PTPRD: variants seen among roughly 807,000 people sequenced by gnomAD.
PTPRD encodes protein tyrosine phosphatase receptor type D.
A neutral mutation model predicts 214.5 loss-of-function variants in PTPRD; 34 were observed. That is an observed-to-expected ratio of 0.16 (90% confidence interval 0.12 to 0.21). The LOEUF (loss-of-function observed/expected upper bound fraction) is 0.21. Among genes scored for constraint, PTPRD ranks in the 10% least tolerant of loss-of-function variants. The pLI is 1.00. For synonymous variants in PTPRD, 1,128 were observed against 845.7 expected, an observed-to-expected ratio of 1.33 and a Z score of -5.79; for missense variants, 2,545 against 2,398.7, an observed-to-expected ratio of 1.06 and a Z score of -1.27.
At chr9:9,048,027 T>C (rs1002109639) in intron 10 of PTPRD, among the ~76,000 whole-genome samples, 2 of 152,136 alleles carry the variant, frequency 1.3e-5, no homozygotes, top group Admixed American at 6.6e-5. Flanking sequence ...TGCATACACA[T>C]GGCAAACAGG....
chr9:9,924,664 T>C (rs534663429), intron 5 of PTPRD, among the ~76,000 whole-genome samples: 1 of 152,218 alleles, frequency 6.6e-6, no homozygotes, highest in South Asian at 2.1e-4. Flanking sequence ...GCTTTTGAAA[T>C]AAAAACCATC....
At chr9:8,523,075 A>G (rs2097922041) in intron 19 of PTPRD, among the ~76,000 whole-genome samples, 1 of 152,194 alleles carries the variant, frequency 6.6e-6, no homozygotes, top group African/African-American at 2.4e-5. Context: ...AGCAGGAGCC[A>G]GTGTAGACTC....
Position 10,597,857 on chromosome 9 carries a change from G to C in PTPRD, c.-600+14541C>G, listed in dbSNP as rs575621702. Among the ~76,000 whole-genome samples, 6 of 151,886 alleles carry C rather than the reference G, an allele frequency of 4.0e-5. No individual in the cohort carries two copies. In the South Asian group the frequency reaches 8.3e-4, roughly 21 times the overall value. Reference sequence around the variant, plus strand: ...TATAGTTTATATTAAGAACATAACAGGACTTCCATTGAACATTGAGTCTTT... The same window carrying C: ...TATAGTTTATATTAAGAACATAACACGACTTCCATTGAACATTGAGTCTTT... On this transcript the variant is annotated intron_variant, in intron 2 of 45. Coordinates refer to ENST00000381196, the MANE Select transcript of PTPRD (RefSeq NM_002839.4).
chr9:9,854,831 G>C (rs771356539), intron 5 of PTPRD, among the ~76,000 whole-genome samples: 5 of 152,002 alleles, frequency 3.3e-5, no homozygotes, highest in African/African-American at 9.7e-5. Context: ...TGTACCTTTT[G>C]CTATAACTAT....
chr9:9,366,746 C>T (rs536371698), intron 9 of PTPRD, among the ~76,000 whole-genome samples: 12 of 150,790 alleles, frequency 8.0e-5, no homozygotes, highest in African/African-American at 1.7e-4. Flanking sequence ...AAAATTCTTC[C>T]GAGTAAAAAA....
chr9:9,757,456 G>A (rs1257021062), intron 6 of PTPRD, among the ~76,000 whole-genome samples: 2 of 152,126 alleles, frequency 1.3e-5, no homozygotes, highest in Non-Finnish European at 2.9e-5. Context: ...GATGTTTAAT[G>A]TAAATTTTCA....
intron 14 of PTPRD, among the ~76,000 whole-genome samples, chr9:8,599,077 C>G (rs866164853): frequency 5.3e-5 from 8 of 152,092 alleles, no homozygotes; most frequent in Non-Finnish European, 1.2e-4. Flanking sequence ...AGGTCTTTCC[C>G]AAGCTGTTCT....
chr9:10,217,394 A>C (rs1365587799), intron 3 of PTPRD, among the ~76,000 whole-genome samples: 1 of 151,794 alleles, frequency 6.6e-6, no homozygotes, highest in African/African-American at 2.4e-5. Flanking sequence ...CCATATCTCA[A>C]AGCAAGTTAA....
chr9:10,111,106 G>A (rs2098687498), intron 3 of PTPRD, among the ~76,000 whole-genome samples: 1 of 151,906 alleles, frequency 6.6e-6, no homozygotes, highest in African/African-American at 2.4e-5. Flanking sequence ...TGTAAAAAGG[G>A]GAGAATACAA....
At chr9:8,840,892 A>T (rs1326438449) in intron 11 of PTPRD, among the ~76,000 whole-genome samples, 1 of 152,190 alleles carries the variant, frequency 6.6e-6, no homozygotes. Context: ...TCTACAGTGC[A>T]TGTAACGATA....
At chr9:9,413,112 T>C (rs2142008782) in intron 8 of PTPRD, among the ~76,000 whole-genome samples, 1 of 114,046 alleles carries the variant, frequency 8.8e-6, no homozygotes, top group East Asian at 3.1e-4. Flanking sequence ...TTTTTTTTTT[T>C]TTTTTTTTTT....
intron 5 of PTPRD, among the ~76,000 whole-genome samples, chr9:9,817,877 T>C (rs1301227755): frequency 3.3e-5 from 5 of 152,142 alleles, no homozygotes; most frequent in African/African-American, 9.7e-5. Context: ...GTGCCTGCCA[T>C]TGTGGAGCTA....
intron 9 of PTPRD, among the ~76,000 whole-genome samples, chr9:9,316,678 G>A (rs1170198061): frequency 3.3e-5 from 5 of 152,088 alleles, no homozygotes; most frequent in Non-Finnish European, 7.4e-5. Flanking sequence ...GAAATTAAGT[G>A]AGCAAAATTG....
At chr9:9,644,707 G>C (rs1033572932) in intron 7 of PTPRD, among the ~76,000 whole-genome samples, 1 of 137,460 alleles carries the variant, frequency 7.3e-6, no homozygotes, top group African/African-American at 2.7e-5. Flanking sequence ...CCAAAATGTT[G>C]CTTTTTCCAA....
intron 4 of PTPRD, among the ~76,000 whole-genome samples, chr9:9,990,021 G>C (rs1222284387): frequency 6.6e-6 from 1 of 152,210 alleles, no homozygotes; most frequent in Non-Finnish European, 1.5e-5. Context: ...GGATTCATCA[G>C]ATGTGTGAGT....
intron 11 of PTPRD, among the ~76,000 whole-genome samples, chr9:8,806,484 C>G (rs1391400776): frequency 2.6e-5 from 4 of 152,074 alleles, no homozygotes. Context: ...TAAATAATAC[C>G]TGCTACACTC....
intron 2 of PTPRD, among the ~76,000 whole-genome samples, chr9:10,579,193 C>A (rs528740890): frequency 1.3e-5 from 2 of 152,206 alleles, no homozygotes; most frequent in Middle Eastern, 3.4e-3. Flanking sequence ...AAGCTGGAAG[C>A]CATCATTCTC....
At chr9:9,846,287 C>G (rs1243080427) in intron 5 of PTPRD, among the ~76,000 whole-genome samples, 2 of 152,006 alleles carry the variant, frequency 1.3e-5, no homozygotes, top group Non-Finnish European at 2.9e-5. Context: ...TACAGCATTC[C>G]CAATCAAAAT....
Position 9,920,881 on chromosome 9 carries a change from T to A in PTPRD, c.-368+17626A>T, listed in dbSNP as rs187221190. On this transcript the variant is annotated intron_variant, in intron 5 of 45. Transcript: ENST00000381196. Reference sequence around the variant, plus strand: ...TATCATGGGAGCCTATAACGCAGGATGAACGAAGAAGGATTTAAGATAGAA... The same window carrying A: ...TATCATGGGAGCCTATAACGCAGGAAGAACGAAGAAGGATTTAAGATAGAA... Among the ~76,000 whole-genome samples the A allele has an allele frequency of 2.0e-5, 3 of 152,196 alleles. No homozygotes were observed. The East Asian group carries it at 5.8e-4, about 29-fold the overall frequency.
Sources: allele counts gnomAD v4.1 joint callset (sites outside exome capture counted in the v4.1 genomes callset), GRCh38; gene constraint gnomAD v4.1.1; transcripts MANE v1.5; gene names NCBI Gene and HGNC (gene_info 2026-07-23, HGNC 2026-07-21).